The following SCFD2 variants were observed in gnomAD, a reference collection of about 807,000 sequenced individuals.
SCFD2 encodes sec1 family domain containing 2, also known as sec1 family domain-containing protein 2.
SCFD2 carries 54 observed loss-of-function variants against 58.9 expected under a neutral mutation model. That is an observed-to-expected ratio of 0.92 (90% CI 0.74 to 1.15). SCFD2 has a LOEUF of 1.15. Ranked by LOEUF, SCFD2 falls within the 50% of genes most tolerant of loss-of-function variation. The pLI is 0.00. For synonymous variants in SCFD2, 321 were observed against 335.9 expected (o/e 0.96, Z 0.49); for missense variants, 805 against 836.6 (o/e 0.96, Z 0.47).
intron 5 of SCFD2, among the ~76,000 whole-genome samples, chr4:52,981,365 T>C (rs1721371758): frequency 6.6e-6 from 1 of 152,194 alleles, no homozygotes; most frequent in South Asian, 2.1e-4. Flanking sequence ...TCTCACAGGG[T>C]ATACACATCC....
At chr4:53,306,647 A>G (rs1732522724) in intron 3 of SCFD2, among the ~76,000 whole-genome samples, 1 of 152,182 alleles carries the variant, frequency 6.6e-6, no homozygotes, top group South Asian at 2.1e-4. Flanking sequence ...CCAATGGCCA[A>G]TGAAGGACAT....
At chr4:53,337,249 G>A (rs1733714222) in intron 2 of SCFD2, among the ~76,000 whole-genome samples, 2 of 152,198 alleles carry the variant, frequency 1.3e-5, no homozygotes, top group Non-Finnish European at 1.5e-5. Flanking sequence ...TGTGTATGGT[G>A]TCTCTGTGTG....
At chr4:53,208,337 T>C (rs185362877) in intron 4 of SCFD2, among the ~76,000 whole-genome samples, 3 of 152,104 alleles carry the variant, frequency 2.0e-5, no homozygotes, top group African/African-American at 4.8e-5. Context: ...AGCAAGTTTA[T>C]TGAGCGAAGT....
intron 3 of SCFD2, among the ~76,000 whole-genome samples, chr4:53,275,744 C>CT (rs1161539405): frequency 6.6e-6 from 1 of 152,116 alleles, no homozygotes; most frequent in Non-Finnish European, 1.5e-5. Context: ...ACAGTTTTGT[C>CT]TTTCTAGAGT....
intron 4 of SCFD2, among the ~76,000 whole-genome samples, chr4:53,265,008 T>G (rs561253550): frequency 1.3e-5 from 2 of 152,264 alleles, no homozygotes; most frequent in East Asian, 1.9e-4. Context: ...AAATTCTACC[T>G]AAAGAAATAA....
At chr4:53,294,364 T>C (rs1011649214) in intron 3 of SCFD2, among the ~76,000 whole-genome samples, 1 of 152,228 alleles carries the variant, frequency 6.6e-6, no homozygotes, top group Non-Finnish European at 1.5e-5. Flanking sequence ...TACATCATTG[T>C]AGTTTTGATT....
chr4:52,936,908 T>C (rs1210809008), intron 5 of SCFD2, among the ~76,000 whole-genome samples: 1 of 152,274 alleles, frequency 6.6e-6, no homozygotes, highest in Non-Finnish European at 1.5e-5. Flanking sequence ...AGCTGTAAGC[T>C]GATCTTCCTT....
intron 7 of SCFD2, among the ~76,000 whole-genome samples, chr4:52,893,202 T>C (rs1182430706): frequency 6.6e-6 from 1 of 152,078 alleles, no homozygotes; most frequent in Non-Finnish European, 1.5e-5. Flanking sequence ...TTCTCTCCTC[T>C]CCTCTCCCTT....
intron 4 of SCFD2, among the ~76,000 whole-genome samples, chr4:53,189,952 A>C (rs1040154490): frequency 6.6e-6 from 1 of 152,236 alleles, no homozygotes; most frequent in African/African-American, 2.4e-5. Context: ...TACGTGAATT[A>C]ACTAATCTTT....
intron 4 of SCFD2, among the ~76,000 whole-genome samples, chr4:53,210,978 C>T (rs551979377): frequency 6.6e-6 from 1 of 152,190 alleles, no homozygotes; most frequent in South Asian, 2.1e-4. Flanking sequence ...GGCATGGTGG[C>T]TTACTCCTGT....
chr4:53,108,362 T>A (rs1395137739), intron 5 of SCFD2, among the ~76,000 whole-genome samples: 1 of 150,626 alleles, frequency 6.6e-6, no homozygotes, highest in Non-Finnish European at 1.5e-5. Context: ...AGACAAGAAA[T>A]AACTACAGCA....
chr4:53,298,875 G>C (rs1459919927), intron 3 of SCFD2, among the ~76,000 whole-genome samples: 1 of 152,218 alleles, frequency 6.6e-6, no homozygotes, highest in Non-Finnish European at 1.5e-5. Context: ...CAGACCTGCA[G>C]CTGAGGGTCC....
At chr4:53,228,904 T>C (rs982448751) in intron 4 of SCFD2, among the ~76,000 whole-genome samples, 20 of 152,360 alleles carry the variant, frequency 1.3e-4, no homozygotes, top group African/African-American at 4.1e-4. Flanking sequence ...CTTCAGCTGA[T>C]AGGCAACTTC....
chr4:53,098,913 T>A (rs2148873420), intron 5 of SCFD2, among the ~76,000 whole-genome samples: 1 of 152,312 alleles, frequency 6.6e-6, no homozygotes, highest in South Asian at 2.1e-4. Flanking sequence ...AGACCTATTC[T>A]TCTAACATAC....
Position 52,920,713 on chromosome 4 carries a change from G to A in SCFD2, c.1707+12C>T, listed in dbSNP as rs201206820. The A allele has an allele frequency of 3.6e-5, 57 of 1,568,946 alleles. No individual in the cohort carries two copies. The highest frequency in any genetic ancestry group is 2.1e-4 in the African/African-American group (15 of 72,166). On this transcript the variant is annotated intron_variant, in intron 6 of 8. Transcript: ENST00000401642. ...ACAGATTAGAAGGTTACTTTAAAAC[G>A]TATATACTTGCCTGGTGGGTATGAT...
At chr4:53,339,824 G>T (rs890923959) in intron 2 of SCFD2, among the ~76,000 whole-genome samples, 1 of 151,840 alleles carries the variant, frequency 6.6e-6, no homozygotes, top group Admixed American at 6.6e-5. Context: ...CTAAAAAGAA[G>T]TTCAAGTAAC....
intron 5 of SCFD2, among the ~76,000 whole-genome samples, chr4:53,046,925 G>A (rs1346478129): frequency 6.6e-6 from 1 of 152,124 alleles, no homozygotes; most frequent in Non-Finnish European, 1.5e-5. Context: ...ACCTGCATTG[G>A]TCTCCCAAAG....
intron 5 of SCFD2, among the ~76,000 whole-genome samples, chr4:53,038,616 T>A (rs1452437217): frequency 6.6e-6 from 1 of 151,898 alleles, no homozygotes; most frequent in Non-Finnish European, 1.5e-5. Context: ...ACTCTAAGTA[T>A]AAAACGATAG....
At chr4:53,221,232 A>G (rs1177920035) in intron 4 of SCFD2, among the ~76,000 whole-genome samples, 1 of 152,214 alleles carries the variant, frequency 6.6e-6, no homozygotes, top group Non-Finnish European at 1.5e-5. Context: ...ATTTGAAAGT[A>G]AGATAATGTT....
Sources: gnomAD v4.1 joint callset for allele counts (sites outside exome capture counted in the v4.1 genomes callset) on GRCh38, gnomAD v4.1.1 for gene constraint, MANE v1.5 for transcripts, NCBI Gene and HGNC (gene_info 2026-07-23, HGNC 2026-07-21) for gene names.